The following EEA1 variants were observed in gnomAD, a reference collection of about 807,000 sequenced individuals.
The protein encoded by EEA1 is early endosome antigen 1, also known as early endosome antigen 1, 162kD.
In EEA1, 111 loss-of-function variants were observed where a neutral mutation model predicts 209.2. The observed-to-expected ratio is 0.53, with a 90% CI of 0.45 to 0.62. The LOEUF is 0.62. Among genes scored for constraint, EEA1 ranks in the 20% least tolerant of loss-of-function variants. The pLI is 0.00. For synonymous variants in EEA1, 536 were observed against 540.6 expected, an observed-to-expected ratio of 0.99 and a Z score of 0.12; for missense variants, 1,343 against 1,530.8, an observed-to-expected ratio of 0.88 and a Z score of 2.05.
At chr12:92,854,579 A>C (rs1446557239) in intron 5 of EEA1, among the ~76,000 whole-genome samples, 1 of 152,234 alleles carries the variant, frequency 6.6e-6, no homozygotes, top group Non-Finnish European at 1.5e-5. Flanking sequence ...AGAGTTTGAA[A>C]GATACTTTGA....
At chr12:92,782,400 G>A (rs961136974) in intron 22 of EEA1, among the ~76,000 whole-genome samples, 3 of 152,108 alleles carry the variant, frequency 2.0e-5, no homozygotes, top group Admixed American at 2.0e-4. Flanking sequence ...AATATTTAAA[G>A]TATTTGCTGA....
At chr12:92,903,817 TTA>T (rs1398245366) in intron 1 of EEA1, among the ~76,000 whole-genome samples, 3 of 152,084 alleles carry the variant, frequency 2.0e-5, no homozygotes, top group Non-Finnish European at 4.4e-5. Flanking sequence ...CCAATGAGTT[TTA>T]TGTTAGGATG....
intron 1 of EEA1, among the ~76,000 whole-genome samples, chr12:92,913,310 T>C (rs1196966739): frequency 6.6e-6 from 1 of 152,212 alleles, no homozygotes; most frequent in Non-Finnish European, 1.5e-5. Context: ...ATGTTGAGCA[T>C]TTTCTCATGT....
chr12:92,826,497 C>G (rs1232482465), intron 12 of EEA1, among the ~76,000 whole-genome samples: 3 of 151,610 alleles, frequency 2.0e-5, no homozygotes, highest in Non-Finnish European at 4.4e-5. Context: ...ATCACAAGGT[C>G]AGGAGTTCGA....
intron 1 of EEA1, among the ~76,000 whole-genome samples, chr12:92,902,936 CTTTTT>C (rs35352937): frequency 7.3e-6 from 1 of 136,602 alleles, no homozygotes; most frequent in Non-Finnish European, 1.6e-5. Context: ...GTTCAACAGT[CTTTTT>C]TTTTTTTTTT....
rs200176486 is a variant in EEA1, at chr12:92,912,323, TCCTCCCCTA to T, written c.24+16711_24+16719del. ...ATGCCCTTGTAATTCTCTTATGTAA[TCCTCCCCTA>T]CATAAACTCTGGGCTGGCCATGAGA... On this transcript the variant is annotated intron_variant, in intron 1 of 28. Coordinates refer to ENST00000322349, the MANE Select transcript of EEA1 (RefSeq NM_003566.4). Among the ~76,000 whole-genome samples, 1,218 of 152,182 alleles carry T rather than the reference TCCTCCCCTA, an allele frequency of 8.0e-3. 24 individuals are homozygous for T. Among genetic ancestry groups the T allele is most frequent in the African/African-American group, 0.027 (1,121 of 41,514 alleles).
At chr12:92,834,584 G>T (rs534049743) in intron 10 of EEA1, among the ~76,000 whole-genome samples, 1 of 141,418 alleles carries the variant, frequency 7.1e-6, no homozygotes, top group Non-Finnish European at 1.5e-5. Flanking sequence ...ACTTATAAGA[G>T]AGGATGACAG....
intron 13 of EEA1, among the ~76,000 whole-genome samples, chr12:92,821,845 ATAAT>A (rs1437442710): frequency 4.7e-5 from 7 of 149,896 alleles, no homozygotes; most frequent in African/African-American, 9.7e-5. Flanking sequence ...ACATACACAT[ATAAT>A]TAATTAGAAC....
At chr12:92,857,587 T>A in intron 3 of EEA1, 102 bp from the exon 4 acceptor site, 1 of 688,822 alleles carries the variant, frequency 1.5e-6, no homozygotes, top group South Asian at 3.6e-5. Flanking sequence ...TATTATAGTT[T>A]TTTCAATTCA....
intron 21 of EEA1, 51 bp downstream of exon 21, chr12:92,798,841 C>G: frequency 7.2e-7 from 1 of 1,397,586 alleles, no homozygotes; most frequent in Admixed American, 2.4e-5. Flanking sequence ...ATACTATTTT[C>G]TTAATTGCCA....
chr12:92,928,875 C>T (rs546583409), intron 1 of EEA1, among the ~76,000 whole-genome samples, 168 bp downstream of exon 1: 1 of 150,620 alleles, frequency 6.6e-6, no homozygotes, highest in African/African-American at 2.4e-5. Context: ...GCGCCGGCCC[C>T]ACCCGCCCTC....
At chr12:92,780,786 C>T (rs1873872616) in intron 23 of EEA1, among the ~76,000 whole-genome samples, 1 of 152,054 alleles carries the variant, frequency 6.6e-6, no homozygotes, top group Admixed American at 6.5e-5. Flanking sequence ...ACTTTTAAAT[C>T]TCCATTTTCT....
intron 18 of EEA1, among the ~76,000 whole-genome samples, chr12:92,803,703 C>G (rs1401220386): frequency 3.3e-5 from 5 of 151,930 alleles, no homozygotes; most frequent in African/African-American, 9.7e-5. Flanking sequence ...ACACTTTTAC[C>G]TCCTAAAAAA....
At chr12:92,785,027 T>A (rs1357005818) in intron 22 of EEA1, among the ~76,000 whole-genome samples, 5 of 142,702 alleles carry the variant, frequency 3.5e-5, no homozygotes, top group Non-Finnish European at 4.6e-5. Flanking sequence ...CATACTTTCT[T>A]AAAAAAAAAA....
intron 14 of EEA1, among the ~76,000 whole-genome samples, chr12:92,817,079 T>C (rs972527534): frequency 2.0e-5 from 3 of 151,232 alleles, no homozygotes; most frequent in African/African-American, 7.4e-5. Flanking sequence ...TTTTAAAAAT[T>C]AAAATTTTTT....
chr12:92,801,742 T>C (rs1874924403), intron 19 of EEA1, 41 bp from the exon 20 acceptor site: 2 of 1,361,882 alleles, frequency 1.5e-6, no homozygotes, highest in African/African-American at 1.5e-5. Context: ...AAAATATTTG[T>C]AATAACCTTA....
At chr12:92,810,910 A>G (rs574860473) in intron 17 of EEA1, among the ~76,000 whole-genome samples, 26 of 152,246 alleles carry the variant, frequency 1.7e-4, no homozygotes, top group African/African-American at 6.0e-4. Flanking sequence ...GAAATGTGAT[A>G]TTGGAGTAAG....
At chr12:92,889,093 A>G (rs1879550180) in intron 2 of EEA1, among the ~76,000 whole-genome samples, 2 of 152,024 alleles carry the variant, frequency 1.3e-5, no homozygotes, top group Admixed American at 1.3e-4. Context: ...TGGAGATTGC[A>G]GTGACCCAAG....
chr12:92,881,403 G>A (rs1040816245), intron 2 of EEA1, among the ~76,000 whole-genome samples: 2 of 152,048 alleles, frequency 1.3e-5, no homozygotes, highest in African/African-American at 4.8e-5. Context: ...GTGAGATGGA[G>A]AGGAGGAGGG....
Sources: allele counts gnomAD v4.1 joint callset (sites outside exome capture counted in the v4.1 genomes callset), GRCh38; gene constraint gnomAD v4.1.1; transcripts MANE v1.5; gene names NCBI Gene and HGNC (gene_info 2026-07-23, HGNC 2026-07-21).